Variants in CNBD1 observed in about 807,000 individuals in gnomAD.
The protein encoded by CNBD1 is cyclic nucleotide binding domain containing 1, also known as cyclic nucleotide-binding domain-containing protein 1.
In CNBD1, 71 loss-of-function variants were observed where a neutral mutation model predicts 54.4. The observed-to-expected ratio is 1.30, with a 90% confidence interval of 1.08 to 1.59. CNBD1 has a LOEUF of 1.59. CNBD1 is among the 40% of genes most tolerant of loss of function. The pLI, the probability that CNBD1 is intolerant of heterozygous loss-of-function variation, is 0.00. For synonymous variants in CNBD1, 182 were observed against 170.7 expected, an observed-to-expected ratio of 1.07 and a Z score of -0.51; for missense variants, 659 against 518.0, an observed-to-expected ratio of 1.27 and a Z score of -2.64.
chr8:87,368,799 C>G (rs914232692), intron 10 of CNBD1, among the ~76,000 whole-genome samples: 1 of 151,956 alleles, frequency 6.6e-6, no homozygotes, highest in African/African-American at 2.4e-5. Flanking sequence ...TTGCTTGTCT[C>G]ATTTTATCAT....
chr8:86,963,443 A>G (rs1239370204), intron 4 of CNBD1, among the ~76,000 whole-genome samples: 1 of 152,100 alleles, frequency 6.6e-6, no homozygotes, highest in East Asian at 1.9e-4. Context: ...GAAGCTTCGG[A>G]GAAAAAGGTG....
intron 4 of CNBD1, among the ~76,000 whole-genome samples, chr8:86,977,178 T>C (rs1432834558): frequency 6.6e-6 from 1 of 152,068 alleles, no homozygotes; most frequent in African/African-American, 2.4e-5. Flanking sequence ...ATGGCCTTTA[T>C]AGTGTTGGGG....
At chr8:86,873,766 G>C (rs1422174754) in intron 1 of CNBD1, among the ~76,000 whole-genome samples, 1 of 151,978 alleles carries the variant, frequency 6.6e-6, no homozygotes, top group Non-Finnish European at 1.5e-5. Context: ...TAACTGTAAA[G>C]TCAGTATGTG....
At chr8:87,150,037 C>T (rs1454162246) in intron 4 of CNBD1, among the ~76,000 whole-genome samples, 4 of 151,936 alleles carry the variant, frequency 2.6e-5, no homozygotes, top group African/African-American at 4.8e-5. Context: ...CTTAGCCTGG[C>T]GTGGTGGCGG....
chr8:87,174,086 G>A (rs2130771216), intron 4 of CNBD1, among the ~76,000 whole-genome samples: 1 of 152,122 alleles, frequency 6.6e-6, no homozygotes, highest in African/African-American at 2.4e-5. Context: ...AGCCTCCCGA[G>A]TGGCTGGGAC....
At chr8:87,392,237 A>G (rs75757537) in intron 2 of CNBD1, among the ~76,000 whole-genome samples, 2,870 of 152,150 alleles carry the variant, frequency 0.019, 92 homozygotes, top group African/African-American at 0.062. Context: ...CTTTGAAAAC[A>G]ACATGGCAGT....
chr8:87,065,496 T>C (rs1400453611), intron 4 of CNBD1, among the ~76,000 whole-genome samples: 2 of 151,964 alleles, frequency 1.3e-5, no homozygotes. Flanking sequence ...GTAGTCCCTC[T>C]GTGGCATTAT....
At chr8:87,167,939 T>G (rs1354089321) in intron 4 of CNBD1, among the ~76,000 whole-genome samples, 1 of 151,986 alleles carries the variant, frequency 6.6e-6, no homozygotes, top group Non-Finnish European at 1.5e-5. Context: ...CTATATAACA[T>G]AGCTATTGCT....
At chr8:86,998,520 G>A (rs1808928106) in intron 4 of CNBD1, among the ~76,000 whole-genome samples, 1 of 152,130 alleles carries the variant, frequency 6.6e-6, no homozygotes, top group Non-Finnish European at 1.5e-5. Flanking sequence ...TTCAGCTGGG[G>A]TCCTGTGCAT....
chr8:87,136,412 GA>G (rs958154030), intron 4 of CNBD1, among the ~76,000 whole-genome samples: 1 of 148,188 alleles, frequency 6.7e-6, no homozygotes, highest in African/African-American at 2.5e-5. Context: ...ATTTTTATGG[GA>G]AATTTATAGG....
At chr8:87,164,475 T>C (rs893689044) in intron 4 of CNBD1, among the ~76,000 whole-genome samples, 1 of 151,808 alleles carries the variant, frequency 6.6e-6, no homozygotes, top group Admixed American at 6.6e-5. Context: ...TCTTTACTCA[T>C]TGATTAATCT....
intron 4 of CNBD1, among the ~76,000 whole-genome samples, chr8:87,159,229 TC>T (rs1402831225): frequency 6.6e-6 from 1 of 152,142 alleles, no homozygotes; most frequent in African/African-American, 2.4e-5. Context: ...TAGTGCATAA[TC>T]CTTCAGGCTA....
chr8:86,976,009 T>G (rs931210231), intron 4 of CNBD1, among the ~76,000 whole-genome samples: 1 of 151,902 alleles, frequency 6.6e-6, no homozygotes. Flanking sequence ...TTCATACCTG[T>G]TGACCACGCA....
chr8:87,331,247 G>T (rs530704163), intron 8 of CNBD1, among the ~76,000 whole-genome samples: 1 of 152,216 alleles, frequency 6.6e-6, no homozygotes, highest in South Asian at 2.1e-4. Context: ...GGTGTGTGTT[G>T]TTCCCCGATG....
intron 4 of CNBD1, among the ~76,000 whole-genome samples, chr8:87,028,338 T>C (rs1393279145): frequency 8.5e-5 from 13 of 152,110 alleles, no homozygotes; most frequent in Admixed American, 6.5e-4. Context: ...CCAGCCAAAA[T>C]TGGGCAAGCA....
intron 6 of CNBD1, among the ~76,000 whole-genome samples, chr8:87,259,188 A>G (rs1274652227): frequency 6.6e-6 from 1 of 152,128 alleles, no homozygotes; most frequent in East Asian, 1.9e-4. Context: ...ACATCCTTGG[A>G]CTTTCTGACT....
chr8:87,383,519 T>G (rs995561283), downstream of CNBD1, among the ~76,000 whole-genome samples: 3 of 152,172 alleles, frequency 2.0e-5, no homozygotes, highest in African/African-American at 7.2e-5. Context: ...ATGTTAAAAC[T>G]GAAGTCTGTC....
Position 87,045,724 on chromosome 8 carries a change from C to CAAAA in CNBD1, c.431+105987_431+105990dup, listed in dbSNP as rs58973406. ...TGGGCGACAGAGCAAGACTCCGTCT[C>CAAAA]AAAAAAAAAAAAAAAAAAAACAGTA... On this transcript the variant is annotated intron_variant, in intron 4 of 10. Transcript: ENST00000518476. Among the ~76,000 whole-genome samples, 52 of 51,048 alleles carry CAAAA rather than the reference C, an allele frequency of 1.0e-3. 4 individuals are homozygous for CAAAA. The highest frequency in any genetic ancestry group is 3.5e-3 in the African/African-American group (45 of 12,798). The allele number at this position is 51,048 out of a possible 152,430, so 33.5% of individuals were successfully genotyped here.
intron 3 of CNBD1, among the ~76,000 whole-genome samples, chr8:86,932,965 G>A (rs112555455): frequency 2.0e-4 from 31 of 152,154 alleles, no homozygotes; most frequent in African/African-American, 6.0e-4. Context: ...AAGGAAGGTC[G>A]TATTTAGTGG....
Sources: allele counts gnomAD v4.1 joint callset (sites outside exome capture counted in the v4.1 genomes callset), GRCh38; gene constraint gnomAD v4.1.1; transcripts MANE v1.5; gene names NCBI Gene and HGNC (gene_info 2026-07-23, HGNC 2026-07-21).